FRAS1: variants seen among roughly 807,000 people sequenced by gnomAD.
FRAS1 encodes the protein Fraser extracellular matrix complex subunit 1, also known as extracellular matrix organizing protein FRAS1.
FRAS1 carries 290 observed loss-of-function variants against 435.2 expected under a neutral mutation model. The observed-to-expected ratio is 0.67, with a 90% CI of 0.61 to 0.73. The LOEUF is 0.73. Among genes scored for constraint, FRAS1 ranks in the 30% least tolerant of loss-of-function variants. The pLI, the probability that FRAS1 is intolerant of heterozygous loss-of-function variation, is 0.00. For missense variants in FRAS1, 4,860 were observed against 5,001.5 expected (o/e 0.97, Z 0.85); for synonymous variants, 1,800 against 1,851.0 (o/e 0.97, Z 0.71).
intron 3 of FRAS1, among the ~76,000 whole-genome samples, chr4:78,244,965 A>G (rs1429539170): frequency 6.6e-6 from 1 of 152,174 alleles, no homozygotes; most frequent in Non-Finnish European, 1.5e-5. Flanking sequence ...TTCTAGTGAA[A>G]CAAAGTCTCA....
chr4:78,426,277 C>A (rs1405492367), intron 35 of FRAS1, among the ~76,000 whole-genome samples: 1 of 152,112 alleles, frequency 6.6e-6, no homozygotes, highest in Non-Finnish European at 1.5e-5. Flanking sequence ...TCAACTCTTA[C>A]CTGAAAGCTT....
At chr4:78,397,750 G>A (rs1732730453) in intron 29 of FRAS1, among the ~76,000 whole-genome samples, 1 of 152,272 alleles carries the variant, frequency 6.6e-6, no homozygotes, top group South Asian at 2.1e-4. Context: ...AATCCCTTCA[G>A]TGTTCTGGAT....
At position 78,513,509 on chromosome 4, in the gene FRAS1, C is replaced by A. The variant is rs1354517468; in HGVS notation, c.10131C>A (p.Val3377=). 1 of 1,613,920 alleles carries A rather than the reference C, an allele frequency of 6.2e-7. No homozygotes were observed. The highest frequency in any genetic ancestry group is 1.7e-5 in the Admixed American group (1 of 60,028). Reference sequence around the variant, plus strand: ...AGTCCATCTACAGACACCAGCACGTCTGCTCCAATTTAGTTACCACCTATG... The same window carrying A: ...AGTCCATCTACAGACACCAGCACGTATGCTCCAATTTAGTTACCACCTATG... ...LSESIYRHQH[V]CSNLVTTYDL... The change falls in exon 65 of 74, where the codon GTC becomes GTA. Residue 3377 remains valine, a synonymous_variant. Coordinates refer to ENST00000512123, the MANE Select transcript of FRAS1 (RefSeq NM_025074.7).
At chr4:78,536,055 T>C (rs537187011) in intron 71 of FRAS1, among the ~76,000 whole-genome samples, 36 of 152,168 alleles carry the variant, frequency 2.4e-4, no homozygotes, top group Admixed American at 1.0e-3. Flanking sequence ...GGAATAATAA[T>C]TGAAGCTATC....
intron 54 of FRAS1, among the ~76,000 whole-genome samples, chr4:78,476,840 G>A (rs1420957072): frequency 2.6e-5 from 4 of 152,044 alleles, no homozygotes; most frequent in African/African-American, 9.7e-5. Flanking sequence ...GCAGATTTGT[G>A]TGTCCCCAGA....
intron 27 of FRAS1, among the ~76,000 whole-genome samples, chr4:78,382,217 T>C (rs1051832184): frequency 6.6e-6 from 1 of 152,098 alleles, no homozygotes; most frequent in Non-Finnish European, 1.5e-5. Flanking sequence ...CCTTATTTGA[T>C]AGGAAGTACC....
At chr4:78,318,001 T>C (rs1057130154) in intron 17 of FRAS1, among the ~76,000 whole-genome samples, 4 of 152,184 alleles carry the variant, frequency 2.6e-5, no homozygotes, top group African/African-American at 7.2e-5. Flanking sequence ...ATTTTGAAAC[T>C]AGAATATTGG....
At chr4:78,406,311 A>G (rs1057350318) in intron 30 of FRAS1, among the ~76,000 whole-genome samples, 1 of 152,180 alleles carries the variant, frequency 6.6e-6, no homozygotes, top group African/African-American at 2.4e-5. Flanking sequence ...AATTAATAGA[A>G]GTGTATTAGT....
At chr4:78,294,853 C>CA (rs558885362) in intron 14 of FRAS1, among the ~76,000 whole-genome samples, 122 of 149,200 alleles carry the variant, frequency 8.2e-4, no homozygotes, top group Non-Finnish European at 1.2e-3. Context: ...ATGTTTATTC[C>CA]AAAAAAAAAT....
chr4:78,272,270 A>T (rs1419763535), intron 9 of FRAS1, among the ~76,000 whole-genome samples: 1 of 152,082 alleles, frequency 6.6e-6, no homozygotes, highest in Admixed American at 6.5e-5. Flanking sequence ...TTGCCTGTTC[A>T]CTCTGATGGT....
rs150974838 is a variant in FRAS1 at position 78,338,938 on chromosome 4, A to G, written c.2422+1121A>G. Among the ~76,000 whole-genome samples the G allele has an allele frequency of 3.0e-4, 45 of 152,326 alleles. No individual in the cohort carries two copies. In the East Asian group the frequency reaches 8.7e-3, roughly 29 times the overall value. ...TTAAGGTCTATATCCTAAGAAAACC[A>G]AACTGTCAAGCACAGGGCTGCAGCC... On this transcript the variant is annotated intron_variant, in intron 20 of 73. Transcript: ENST00000512123.
At chr4:78,341,287 A>T (rs1163486910) in intron 20 of FRAS1, among the ~76,000 whole-genome samples, 1 of 152,210 alleles carries the variant, frequency 6.6e-6, no homozygotes, top group Non-Finnish European at 1.5e-5. Flanking sequence ...GAGTCCTGTG[A>T]CAGTGGTGAG....
At chr4:78,329,249 C>T (rs1277577118) in intron 18 of FRAS1, among the ~76,000 whole-genome samples, 1 of 152,178 alleles carries the variant, frequency 6.6e-6, no homozygotes, top group African/African-American at 2.4e-5. Context: ...CTTGTATTAA[C>T]TCCCATTTTG....
chr4:78,482,071 CTTTCCTTTCT>C, intron 57 of FRAS1, 107 bp downstream of exon 57: 1 of 1,145,834 alleles, frequency 8.7e-7, no homozygotes, highest in Non-Finnish European at 1.2e-6. Flanking sequence ...ATATTCCTAT[CTTTCCTTTCT>C]TTAAAAACAC....
intron 4 of FRAS1, among the ~76,000 whole-genome samples, chr4:78,245,954 A>G (rs868156253): frequency 1.3e-5 from 2 of 152,190 alleles, no homozygotes; most frequent in African/African-American, 4.8e-5. Flanking sequence ...AAATCTTTGC[A>G]GACATGGCCA....
chr4:78,539,495 A>T (rs1251463356), intron 73 of FRAS1, 55 bp downstream of exon 73: 31 of 341,786 alleles, frequency 9.1e-5, no homozygotes, highest in Non-Finnish European at 1.1e-4. Context: ...TAAAGCTTGA[A>T]AAAAAAAAAA....
intron 2 of FRAS1, among the ~76,000 whole-genome samples, chr4:78,151,743 G>C (rs1470760538): frequency 6.6e-6 from 1 of 152,136 alleles, no homozygotes; most frequent in African/African-American, 2.4e-5. Context: ...AAAAGAAAAA[G>C]CATTCGGTTG....
At position 78,475,519 on chromosome 4, in the gene FRAS1, G is replaced by A; in HGVS notation, c.7764G>A (p.Leu2588=). The A allele has an allele frequency of 1.2e-6, 2 of 1,613,918 alleles. No homozygotes were observed. The highest frequency in any genetic ancestry group is 1.7e-6 in the Non-Finnish European group (2 of 1,179,822). ...TGNLNQYAIV[L]CRTEQGTASS... The stretch of plus-strand genomic sequence containing the variant: ...ACCTGAACCAATATGCCATCGTCCT[G>A]TGTCGCACCGAGCAAGGCACCGCCA... The change falls in exon 54 of 74, where the codon CTG becomes CTA. Residue 2588 remains leucine, a synonymous_variant. Transcript: ENST00000512123.
intron 2 of FRAS1, among the ~76,000 whole-genome samples, chr4:78,104,785 C>G (rs1742305728): frequency 6.6e-6 from 1 of 152,152 alleles, no homozygotes; most frequent in Admixed American, 6.5e-5. Flanking sequence ...AAGGCAGATA[C>G]TTAATAGATA....
Sources: allele counts gnomAD v4.1 joint callset (sites outside exome capture counted in the v4.1 genomes callset), GRCh38; gene constraint gnomAD v4.1.1; transcripts MANE v1.5; gene names NCBI Gene and HGNC (gene_info 2026-07-23, HGNC 2026-07-21).